Variants in ENOX1 observed in about 807,000 individuals in gnomAD.
The protein encoded by ENOX1 is candidate growth-related and time keeping constitutive hydroquinone (NADH) oxidase.
ENOX1 carries 42 observed loss-of-function variants against 82.5 expected under a neutral mutation model. The observed-to-expected ratio is 0.51, with a 90% CI of 0.40 to 0.66. The LOEUF (loss-of-function observed/expected upper bound fraction) is 0.66. Among genes scored for constraint, ENOX1 ranks in the 30% least tolerant of loss-of-function variants. The probability of loss-of-function intolerance (pLI) is 0.00; values close to 1 mark genes in which losing one functional copy is unlikely to be tolerated. For missense variants in ENOX1, 608 were observed against 811.6 expected (o/e 0.75, Z 3.05); for synonymous variants, 271 against 282.2 (o/e 0.96, Z 0.40).
intron 2 of ENOX1, among the ~76,000 whole-genome samples, chr13:43,616,202 A>T (rs1222575791): frequency 2.2e-4 from 9 of 41,240 alleles, no homozygotes; most frequent in East Asian, 3.4e-3. Context: ...ATATATATAT[A>T]TATTTTTTTT....
chr13:43,226,495 C>A (rs2042029535), intron 15 of ENOX1, among the ~76,000 whole-genome samples: 2 of 152,168 alleles, frequency 1.3e-5, no homozygotes, highest in Non-Finnish European at 2.9e-5. Flanking sequence ...TATAATTTCC[C>A]TACTGTACTA....
intron 14 of ENOX1, among the ~76,000 whole-genome samples, chr13:43,237,563 G>C (rs1463862981): frequency 6.6e-6 from 1 of 152,196 alleles, no homozygotes; most frequent in Non-Finnish European, 1.5e-5. Flanking sequence ...AGAAGGACTA[G>C]TATATGAGCA....
chr13:43,572,530 G>A (rs1444553371), intron 2 of ENOX1, among the ~76,000 whole-genome samples: 3 of 152,148 alleles, frequency 2.0e-5, no homozygotes. Flanking sequence ...CAACACTAAT[G>A]GATTTCAGCT....
intron 2 of ENOX1, among the ~76,000 whole-genome samples, chr13:43,652,245 A>G (rs1019060365): frequency 2.0e-5 from 3 of 152,172 alleles, no homozygotes; most frequent in African/African-American, 7.2e-5. Context: ...AGCCATCTCC[A>G]AGGACATAAA....
At chr13:43,668,110 C>T (rs887366221) in intron 1 of ENOX1, among the ~76,000 whole-genome samples, 2 of 152,118 alleles carry the variant, frequency 1.3e-5, no homozygotes, top group African/African-American at 4.8e-5. Context: ...GGATAAATCC[C>T]AACTTTATTT....
chr13:43,473,728 A>G (rs1412753958), intron 3 of ENOX1, among the ~76,000 whole-genome samples: 1 of 152,106 alleles, frequency 6.6e-6, no homozygotes, highest in Non-Finnish European at 1.5e-5. Context: ...CTGGTTGGCA[A>G]TCTCCCTTCC....
intron 16 of ENOX1, among the ~76,000 whole-genome samples, chr13:43,223,431 G>T (rs1469788722): frequency 6.6e-6 from 1 of 152,156 alleles, no homozygotes; most frequent in Non-Finnish European, 1.5e-5. Flanking sequence ...TCTTCTCTAT[G>T]GGTACACAAA....
At chr13:43,658,406 C>T (rs2084550823) in intron 2 of ENOX1, among the ~76,000 whole-genome samples, 1 of 152,160 alleles carries the variant, frequency 6.6e-6, no homozygotes, top group African/African-American at 2.4e-5. Context: ...TTTTTTATCA[C>T]ACACACGCAT....
At chr13:43,753,506 T>C (rs1291829886) in intron 1 of ENOX1, among the ~76,000 whole-genome samples, 4 of 152,138 alleles carry the variant, frequency 2.6e-5, no homozygotes, top group Non-Finnish European at 4.4e-5. Context: ...TTTATGGATA[T>C]TGCACCCCAG....
rs1566154346 is a variant in ENOX1 at position 43,412,888 on chromosome 13, G to A, written c.27C>T (p.Asn9=). 2.5e-6 allele frequency: 4 copies of A among 1,613,970 alleles called. No homozygotes were observed. In the East Asian group the frequency reaches 6.7e-5, roughly 27 times the overall value. Residue 9 remains asparagine (N), a synonymous_variant, in exon 4 of 17, where the codon AAC becomes AAT. Coordinates refer to ENST00000690772, the MANE Select transcript of ENOX1 (RefSeq NM_001347969.2). Reference sequence around the variant, plus strand: ...GAAGCTCCTGGGGAAGCTGGGTGATGTTCTCAACTCCACCTGCATCTACCA... The same window carrying A: ...GAAGCTCCTGGGGAAGCTGGGTGATATTCTCAACTCCACCTGCATCTACCA... MVDAGGVE[N]ITQLPQELPQ...
At chr13:43,625,521 C>G (rs1259718942) in intron 2 of ENOX1, among the ~76,000 whole-genome samples, 1 of 151,854 alleles carries the variant, frequency 6.6e-6, no homozygotes, top group Non-Finnish European at 1.5e-5. Flanking sequence ...TCCCACTATT[C>G]CTTCTTTTTT....
intron 3 of ENOX1, among the ~76,000 whole-genome samples, chr13:43,456,962 C>T (rs1197651954): frequency 1.7e-5 from 2 of 120,668 alleles, no homozygotes; most frequent in African/African-American, 6.3e-5. Context: ...TGCCTGATAT[C>T]TCACATTCAG....
chr13:43,224,657 C>T (rs185846579), intron 15 of ENOX1, among the ~76,000 whole-genome samples: 2 of 152,328 alleles, frequency 1.3e-5, no homozygotes, highest in Admixed American at 6.5e-5. Flanking sequence ...CTTCCTGAAA[C>T]ATTTGCTGTT....
intron 2 of ENOX1, among the ~76,000 whole-genome samples, chr13:43,660,815 C>T (rs1477813943): frequency 6.6e-6 from 1 of 152,048 alleles, no homozygotes; most frequent in Non-Finnish European, 1.5e-5. Context: ...GCAGAGTTTG[C>T]ATAATGTGTA....
intron 3 of ENOX1, among the ~76,000 whole-genome samples, chr13:43,443,814 C>T (rs922483182): frequency 6.6e-6 from 1 of 152,050 alleles, no homozygotes; most frequent in East Asian, 1.9e-4. Context: ...GAGAGGCATT[C>T]CAAGTGAAGA....
chr13:43,247,828 CATATATATATATATAT>C (rs71214135), intron 14 of ENOX1, among the ~76,000 whole-genome samples: 69 of 37,008 alleles, frequency 1.9e-3, no homozygotes, highest in African/African-American at 1.9e-3. Context: ...ACAGATGCAA[CATATATATATATATAT>C]ATATATATAT....
At chr13:43,236,970 G>T (rs1223253871) in intron 14 of ENOX1, among the ~76,000 whole-genome samples, 1 of 152,194 alleles carries the variant, frequency 6.6e-6, no homozygotes, top group Non-Finnish European at 1.5e-5. Flanking sequence ...TGCACAAGTG[G>T]CAAATTTGGC....
At position 43,213,949 on chromosome 13, in the gene ENOX1, T is replaced by C; in HGVS notation, c.*41A>G. 6.2e-7 allele frequency: 1 copy of C among 1,603,218 alleles called. No individual in the cohort carries two copies. Among genetic ancestry groups the C allele is most frequent in the Non-Finnish European group, 8.5e-7 (1 of 1,173,468 alleles). On this transcript the variant is annotated 3_prime_UTR_variant, in exon 17 of 17. Coordinates refer to ENST00000690772, the MANE Select transcript of ENOX1 (RefSeq NM_001347969.2). ...TCCCCGTCGCACCGCCCTGGCCAGG[T>C]TCACATGGTTTCATTTCCAGAGATG...
chr13:43,481,557 CTAG>C (rs892082307), intron 3 of ENOX1, among the ~76,000 whole-genome samples: 3 of 152,046 alleles, frequency 2.0e-5, no homozygotes, highest in African/African-American at 7.2e-5. Flanking sequence ...AACTACACAA[CTAG>C]TAGAAGAAAA....
Sources: gnomAD v4.1 joint callset for allele counts (sites outside exome capture counted in the v4.1 genomes callset) on GRCh38, gnomAD v4.1.1 for gene constraint, MANE v1.5 for transcripts, NCBI Gene and HGNC (gene_info 2026-07-23, HGNC 2026-07-21) for gene names.